Variants in WDR27 observed in about 807,000 individuals in gnomAD.
WDR27 encodes WD repeat-containing protein 27.
Under a neutral mutation model 114.4 loss-of-function variants are expected in WDR27, and 100 were observed. The ratio of observed to expected loss-of-function variants is 0.87; its 90% CI spans 0.74 to 1.03. The LOEUF is 1.03. Ranked by LOEUF, WDR27 falls within the 50% of genes least tolerant of loss-of-function variation. WDR27 has a pLI of 0.00. For missense variants in WDR27, 1,129 were observed against 1,092.9 expected (o/e 1.03, Z -0.47); for synonymous variants, 449 against 423.1 (o/e 1.06, Z -0.75).
At chr6:169,692,372 G>A (rs1001128282) in intron 1 of WDR27, among the ~76,000 whole-genome samples, 1 of 152,110 alleles carries the variant, frequency 6.6e-6, no homozygotes. Flanking sequence ...TCCTTGAGCA[G>A]AATCAGGAGT....
intron 25 of WDR27, among the ~76,000 whole-genome samples, chr6:169,474,638 C>T (rs912870861): frequency 1.3e-5 from 2 of 151,504 alleles, no homozygotes; most frequent in Admixed American, 6.6e-5. Flanking sequence ...GTTCAGATGA[C>T]AGACTAATCC....
At chr6:169,529,618 T>A (rs1242502185) in intron 25 of WDR27, among the ~76,000 whole-genome samples, 1 of 152,198 alleles carries the variant, frequency 6.6e-6, no homozygotes, top group African/African-American at 2.4e-5. Context: ...ACTTTTTAAT[T>A]CAACTCTAGC....
At chr6:169,647,642 T>C (rs986091418) in intron 16 of WDR27, 131 bp downstream of exon 16, 16 of 860,100 alleles carry the variant, frequency 1.9e-5, no homozygotes, top group African/African-American at 1.3e-4. Flanking sequence ...AACCATGCCA[T>C]GCAACTTCAA....
the WDR27 span, among the ~76,000 whole-genome samples, chr6:169,428,811 G>A: frequency 6.6e-6 from 1 of 152,116 alleles, no homozygotes; most frequent in Non-Finnish European, 1.5e-5. Context: ...GGTGGTTCTG[G>A]ACTAGCCTCT....
chr6:169,533,688 C>G (rs1288549573), intron 25 of WDR27, among the ~76,000 whole-genome samples: 1 of 152,188 alleles, frequency 6.6e-6, no homozygotes. Flanking sequence ...GTTCACAGAA[C>G]CATGCAGGCA....
chr6:169,477,698 C>T (rs1214722902), intron 25 of WDR27, among the ~76,000 whole-genome samples: 1 of 152,186 alleles, frequency 6.6e-6, no homozygotes, highest in Non-Finnish European at 1.5e-5. Context: ...CTTGGCCTCA[C>T]TATGGGATTA....
Position 169,509,577 on chromosome 6 carries a change from A to G in WDR27, c.2646-51943T>C, listed in dbSNP as rs534764309. Among the ~76,000 whole-genome samples the G allele has an allele frequency of 9.2e-5, 14 of 151,970 alleles. No homozygotes were observed. In the South Asian group the frequency reaches 2.5e-3, roughly 27 times the overall value. On this transcript the variant is annotated intron_variant, in intron 25 of 25. Transcript: ENST00000448612. Reference sequence around the variant, plus strand: ...GGTGCTGGGAAAACTGGCTAGCCATATGTAGAAAGCTGAAACTGGATCCCT... The same window carrying G: ...GGTGCTGGGAAAACTGGCTAGCCATGTGTAGAAAGCTGAAACTGGATCCCT...
intron 25 of WDR27, among the ~76,000 whole-genome samples, chr6:169,557,042 C>T (rs541792063): frequency 2.0e-5 from 3 of 152,152 alleles, no homozygotes; most frequent in African/African-American, 4.8e-5. Context: ...CAACTGCACT[C>T]GTGTCTCTCG....
intron 2 of WDR27, among the ~76,000 whole-genome samples, chr6:169,676,143 T>C (rs1780020195): frequency 6.6e-6 from 1 of 152,134 alleles, no homozygotes. Context: ...AGATAAAAAA[T>C]CAGAGTTTAG....
intron 2 of WDR27, among the ~76,000 whole-genome samples, 167 bp downstream of exon 2, chr6:169,688,649 TG>T (rs1273307331): frequency 1.3e-5 from 2 of 151,926 alleles, no homozygotes; most frequent in Non-Finnish European, 2.9e-5. Flanking sequence ...ATAAAATACA[TG>T]AAAGTAAATT....
At chr6:169,435,012 G>A in the WDR27 span, among the ~76,000 whole-genome samples, 1 of 152,244 alleles carries the variant, frequency 6.6e-6, no homozygotes, top group Admixed American at 6.5e-5. Context: ...CCCCTGCTGT[G>A]TGCAGCTTAT....
chr6:169,646,731 G>T (rs1820837261), intron 16 of WDR27, among the ~76,000 whole-genome samples: 1 of 146,702 alleles, frequency 6.8e-6, no homozygotes, highest in African/African-American at 2.5e-5. Context: ...CTGGGCAACA[G>T]AGTGAGTCTC....
At chr6:169,529,970 CTAT>C (rs1480695017) in intron 25 of WDR27, among the ~76,000 whole-genome samples, 3 of 152,138 alleles carry the variant, frequency 2.0e-5, no homozygotes, top group African/African-American at 7.2e-5. Context: ...ATGCTGCAAC[CTAT>C]TTAAAGATTA....
In WDR27 at chr6:169,501,609, G is replaced by A. The variant is rs112606466; in HGVS notation, c.2646-43975C>T. 3.7e-3 allele frequency among the ~76,000 whole-genome samples: 558 copies of A among 152,350 alleles called. 3 individuals carry two copies. The highest frequency in any genetic ancestry group is 0.013 in the African/African-American group (541 of 41,578). ...AGCTAAAATGCATAAAGATGTATGA[G>A]GAAGCAGCACTTTCCCACGAACTGT... On this transcript the variant is annotated intron_variant, in intron 25 of 25. Coordinates refer to ENST00000448612, the MANE Select transcript of WDR27 (RefSeq NM_182552.5).
chr6:169,465,359 A>G (rs1202680278), intron 25 of WDR27, among the ~76,000 whole-genome samples: 1 of 152,060 alleles, frequency 6.6e-6, no homozygotes, highest in African/African-American at 2.4e-5. Context: ...GCCATCTCAC[A>G]CTCATTAGGA....
At chr6:169,691,537 T>C (rs1396272101) in intron 1 of WDR27, among the ~76,000 whole-genome samples, 1 of 152,144 alleles carries the variant, frequency 6.6e-6, no homozygotes, top group Non-Finnish European at 1.5e-5. Context: ...TCCCAAAACA[T>C]AAAACATCTT....
chr6:169,664,677 A>C, intron 7 of WDR27: 2 of 1,011,956 alleles, frequency 2.0e-6, no homozygotes, highest in Non-Finnish European at 2.4e-6. Context: ...TGTCAAAAGG[A>C]AAAAAAAAAT....
chr6:169,672,976 G>A (rs1377100871), intron 2 of WDR27, among the ~76,000 whole-genome samples: 1 of 152,184 alleles, frequency 6.6e-6, no homozygotes, highest in Non-Finnish European at 1.5e-5. Flanking sequence ...CAAGTATGGA[G>A]CAGACGAGTG....
chr6:169,584,138 T>C (rs963717463), intron 23 of WDR27, among the ~76,000 whole-genome samples: 1 of 152,210 alleles, frequency 6.6e-6, no homozygotes, highest in Non-Finnish European at 1.5e-5. Flanking sequence ...CTTGTTAAGA[T>C]ACAGATTTCA....
Sources: gnomAD v4.1 joint callset for allele counts (sites outside exome capture counted in the v4.1 genomes callset) on GRCh38, gnomAD v4.1.1 for gene constraint, MANE v1.5 for transcripts, NCBI Gene and HGNC (gene_info 2026-07-23, HGNC 2026-07-21) for gene names.